The following ANKRD45 variants were observed in gnomAD, a reference collection of about 807,000 sequenced individuals.
The protein encoded by ANKRD45 is ankyrin repeat domain 45.
ANKRD45 carries 21 observed loss-of-function variants against 28.1 expected under a neutral mutation model. The observed-to-expected ratio is 0.75, with a 90% CI of 0.53 to 1.08. The LOEUF (loss-of-function observed/expected upper bound fraction) is 1.08, where lower values mean the gene tolerates loss of function less well. Among genes scored for constraint, ANKRD45 ranks in the 50% least tolerant of loss-of-function variants. The pLI is 0.00. For synonymous variants in ANKRD45, 86 were observed against 103.9 expected, an observed-to-expected ratio of 0.83 and a Z score of 1.05; for missense variants, 261 against 308.7, an observed-to-expected ratio of 0.85 and a Z score of 1.16.
chr1:173,645,754 A>G (rs1476559931), intron 3 of ANKRD45, among the ~76,000 whole-genome samples: 1 of 152,198 alleles, frequency 6.6e-6, no homozygotes, highest in African/African-American at 2.4e-5. Flanking sequence ...ACTTTCACTC[A>G]CAGCTCTAAG....
At chr1:173,702,401 G>C in the ANKRD45 span, among the ~76,000 whole-genome samples, 4 of 152,080 alleles carry the variant, frequency 2.6e-5, no homozygotes, top group African/African-American at 9.7e-5. Flanking sequence ...ATCATATAGG[G>C]GGTAGCTAAA....
At chr1:173,660,843 A>G (rs776388422) in intron 1 of ANKRD45, among the ~76,000 whole-genome samples, 6 of 152,282 alleles carry the variant, frequency 3.9e-5, no homozygotes, top group Non-Finnish European at 7.4e-5. Context: ...CAACACCTTG[A>G]TTATAGCCTC....
At chr1:173,652,917 G>C (rs1669305156) in intron 2 of ANKRD45, among the ~76,000 whole-genome samples, 1 of 152,262 alleles carries the variant, frequency 6.6e-6, no homozygotes, top group East Asian at 1.9e-4. Flanking sequence ...ATGGTAGTTT[G>C]TATTTCTGTG....
chr1:173,690,673 C>T, the ANKRD45 span, among the ~76,000 whole-genome samples: 3 of 152,156 alleles, frequency 2.0e-5, no homozygotes, highest in African/African-American at 7.2e-5. Flanking sequence ...ACATTTGTTG[C>T]TTTTTCCTAT....
chr1:173,641,242 C>A (rs370303743), intron 3 of ANKRD45, among the ~76,000 whole-genome samples: 1 of 152,172 alleles, frequency 6.6e-6, no homozygotes, highest in African/African-American at 2.4e-5. Context: ...TAAATAAAAG[C>A]GATTGTTACG....
At chr1:173,710,079 C>T in the ANKRD45 span, among the ~76,000 whole-genome samples, 2 of 152,186 alleles carry the variant, frequency 1.3e-5, no homozygotes, top group Non-Finnish European at 2.9e-5. Flanking sequence ...AATCCCAGCA[C>T]TTTGGGAGGC....
At chr1:173,706,424 C>T in the ANKRD45 span, among the ~76,000 whole-genome samples, 7 of 151,720 alleles carry the variant, frequency 4.6e-5, no homozygotes, top group Admixed American at 6.6e-5. Context: ...CTGCAACCTC[C>T]GCCTCCCAGG....
intron 5 of ANKRD45, among the ~76,000 whole-genome samples, chr1:173,617,665 G>C (rs12117115): frequency 1.1e-4 from 16 of 152,200 alleles, no homozygotes; most frequent in African/African-American, 3.6e-4. Context: ...AGGGATGACC[G>C]ATGTCTCTGC....
At chr1:173,658,520 G>A (rs1053919730) in intron 2 of ANKRD45, 2 of 152,036 alleles carry the variant, frequency 1.3e-5, no homozygotes, top group African/African-American at 4.8e-5. Context: ...TGTTCCATGT[G>A]AGCATGAAGA....
intron 2 of ANKRD45, among the ~76,000 whole-genome samples, chr1:173,647,557 G>A (rs1039847678): frequency 6.6e-6 from 1 of 152,152 alleles, no homozygotes; most frequent in African/African-American, 2.4e-5. Context: ...TGACTATCAT[G>A]AGGTATAATT....
the ANKRD45 span, among the ~76,000 whole-genome samples, chr1:173,677,444 A>G: frequency 6.6e-6 from 1 of 152,190 alleles, no homozygotes; most frequent in Admixed American, 6.6e-5. Context: ...TGTGCCATTG[A>G]TATTAATGGT....
At chr1:173,700,753 T>C in the ANKRD45 span, among the ~76,000 whole-genome samples, 4 of 152,312 alleles carry the variant, frequency 2.6e-5, no homozygotes, top group Non-Finnish European at 1.5e-5. Context: ...ATTCAGGACA[T>C]AGGCATGGGT....
chr1:173,612,928 T>G (rs1325355003), intron 5 of ANKRD45, among the ~76,000 whole-genome samples: 1 of 152,176 alleles, frequency 6.6e-6, no homozygotes, highest in African/African-American at 2.4e-5. Flanking sequence ...AGTGGCATGA[T>G]CTCGGCTAGC....
Position 173,624,794 on chromosome 1 carries a change from A to T in ANKRD45, c.723T>A (p.Thr241=). Residue 241 remains threonine (T), a synonymous_variant, in exon 5 of 6, where the codon ACT becomes ACA. Transcript: ENST00000333279. The stretch of plus-strand genomic sequence containing the variant: ...CTTTTATCCAAAACTTACATGGTGT[A>T]GTCATTTTTGTGAAGATAGGAGTCA... The part of the protein sequence containing the change: ...DIVTPIFTKM[T]TPCQVKSAKS... The T allele has an allele frequency of 6.2e-7, 1 of 1,613,342 alleles. No individual in the cohort carries two copies. Among genetic ancestry groups the T allele is most frequent in the Non-Finnish European group, 8.5e-7 (1 of 1,179,690 alleles).
the ANKRD45 span, among the ~76,000 whole-genome samples, chr1:173,697,908 A>G: frequency 6.6e-6 from 1 of 152,096 alleles, no homozygotes; most frequent in Non-Finnish European, 1.5e-5. Flanking sequence ...AGTGTGCTGT[A>G]CTCAGGAGAC....
chr1:173,691,765 C>A, the ANKRD45 span, among the ~76,000 whole-genome samples: 1 of 152,004 alleles, frequency 6.6e-6, no homozygotes, highest in East Asian at 1.9e-4. Flanking sequence ...CCAGCCTGGG[C>A]GACAGAGAGA....
At chr1:173,671,533 A>G (rs369809840), upstream of ANKRD45, among the ~76,000 whole-genome samples, 1 of 152,062 alleles carries the variant, frequency 6.6e-6, no homozygotes, top group South Asian at 2.1e-4. Flanking sequence ...CCAAGAGAAG[A>G]ATCAGGGGAG....
chr1:173,608,942 AG>A lies in ANKRD45; in HGVS notation c.*1202del. Among the ~76,000 whole-genome samples, 1 of 84,424 alleles carries A rather than the reference AG, an allele frequency of 1.2e-5. No individual in the cohort carries two copies. The highest frequency in any genetic ancestry group is 1.3e-4 in the Admixed American group (1 of 7,632). The allele number at this position is 84,424 out of a possible 152,430, so 55.4% of individuals were successfully genotyped here. On this transcript the variant is annotated 3_prime_UTR_variant, in exon 6 of 6. Coordinates refer to ENST00000333279, the MANE Select transcript of ANKRD45 (RefSeq NM_198493.3). ...GGGGAAGGGAGGGGAAGGGAGGGGA[AG>A]GGAGAGGAAGGGAGAGGAAGGAGAA... is the stretch of plus-strand genomic sequence containing the variant.
upstream of ANKRD45, among the ~76,000 whole-genome samples, chr1:173,674,188 A>G (rs988120321): frequency 7.3e-5 from 11 of 151,050 alleles, no homozygotes; most frequent in South Asian, 2.1e-4. Context: ...TTTTTTTTGT[A>G]TTTTTTGTAG....
Sources: allele counts gnomAD v4.1 joint callset (sites outside exome capture counted in the v4.1 genomes callset), GRCh38; gene constraint gnomAD v4.1.1; transcripts MANE v1.5; gene names NCBI Gene and HGNC (gene_info 2026-07-23, HGNC 2026-07-21).